TMEM117: variants seen among roughly 807,000 people sequenced by gnomAD.
TMEM117 encodes the protein transmembrane protein 117.
In TMEM117, 27 loss-of-function variants were observed where a neutral mutation model predicts 52.4. The observed-to-expected ratio is 0.51, with a 90% confidence interval of 0.38 to 0.71. TMEM117 has a LOEUF of 0.71. TMEM117 is among the 30% of genes least tolerant of loss of function. The pLI is 0.00. For synonymous variants in TMEM117, 215 were observed against 206.3 expected (o/e 1.04, Z -0.36); for missense variants, 556 against 630.5 (o/e 0.88, Z 1.26).
chr12:44,238,460 G>A (rs1255208901), intron 5 of TMEM117, among the ~76,000 whole-genome samples: 1 of 151,902 alleles, frequency 6.6e-6, no homozygotes, highest in African/African-American at 2.4e-5. Flanking sequence ...TACATATATC[G>A]CTATGAAAAA....
At chr12:44,263,182 A>G (rs1254325756) in intron 5 of TMEM117, among the ~76,000 whole-genome samples, 1 of 152,146 alleles carries the variant, frequency 6.6e-6, no homozygotes, top group Non-Finnish European at 1.5e-5. Context: ...TTTTATCTAT[A>G]ACAAAGTTTT....
intron 4 of TMEM117, among the ~76,000 whole-genome samples, chr12:44,186,396 G>A (rs1949278844): frequency 6.6e-6 from 1 of 152,144 alleles, no homozygotes; most frequent in Non-Finnish European, 1.5e-5. Flanking sequence ...TCTACAACTT[G>A]TTTGTTTAAT....
chr12:43,813,636 T>G, the TMEM117 span, among the ~76,000 whole-genome samples: 1 of 151,944 alleles, frequency 6.6e-6, no homozygotes, highest in Non-Finnish European at 1.5e-5. Context: ...CCTACATGAG[T>G]CTCATCAGTT....
At chr12:44,368,121 T>C (rs1234551591) in intron 6 of TMEM117, among the ~76,000 whole-genome samples, 5 of 152,118 alleles carry the variant, frequency 3.3e-5, no homozygotes, top group African/African-American at 7.2e-5. Context: ...CTCCAGAGCT[T>C]CTCAGGGCTT....
intron 3 of TMEM117, among the ~76,000 whole-genome samples, chr12:44,019,950 G>A (rs1946431190): frequency 1.3e-5 from 2 of 152,106 alleles, no homozygotes; most frequent in Admixed American, 1.3e-4. Flanking sequence ...TTCATATTTT[G>A]TAATAGAATC....
chr12:44,217,316 T>TGAG (rs1565603533), intron 5 of TMEM117, among the ~76,000 whole-genome samples: 1 of 151,930 alleles, frequency 6.6e-6, no homozygotes, highest in Non-Finnish European at 1.5e-5. Flanking sequence ...AGAGTGCAGG[T>TGAG]GAGGGTTCAT....
At chr12:44,268,983 A>G (rs902640822) in intron 5 of TMEM117, among the ~76,000 whole-genome samples, 1 of 152,182 alleles carries the variant, frequency 6.6e-6, no homozygotes, top group Non-Finnish European at 1.5e-5. Flanking sequence ...GGATCCCTAA[A>G]TAATATAGTC....
chr12:44,351,065 G>T (rs973143269), intron 6 of TMEM117, among the ~76,000 whole-genome samples: 3 of 152,020 alleles, frequency 2.0e-5, no homozygotes, highest in Non-Finnish European at 4.4e-5. Context: ...ATTTTTAACT[G>T]GAGTGAGATA....
At chr12:44,308,256 A>G (rs1950928359) in intron 6 of TMEM117, among the ~76,000 whole-genome samples, 1 of 152,200 alleles carries the variant, frequency 6.6e-6, no homozygotes, top group Non-Finnish European at 1.5e-5. Flanking sequence ...ATTTTTTCAA[A>G]GCCATCCTGA....
intron 3 of TMEM117, among the ~76,000 whole-genome samples, chr12:44,129,270 G>T (rs1157978330): frequency 1.3e-5 from 2 of 152,216 alleles, no homozygotes; most frequent in Non-Finnish European, 2.9e-5. Flanking sequence ...CAAGTCAGCA[G>T]TGTGGCCATC....
At chr12:44,064,825 G>A (rs1418596057) in intron 3 of TMEM117, among the ~76,000 whole-genome samples, 2 of 152,108 alleles carry the variant, frequency 1.3e-5, no homozygotes, top group Non-Finnish European at 2.9e-5. Flanking sequence ...AAGCTATGAT[G>A]TACAGCAGAC....
intron 4 of TMEM117, among the ~76,000 whole-genome samples, chr12:44,160,366 A>G (rs1948883028): frequency 6.6e-6 from 1 of 152,204 alleles, no homozygotes; most frequent in South Asian, 2.1e-4. Flanking sequence ...GATAAGTGAC[A>G]AAAGGAAATT....
At chr12:43,805,413 C>T in the TMEM117 span, 1 of 380,238 alleles carries the variant, frequency 2.6e-6, no homozygotes, top group South Asian at 1.9e-5. Flanking sequence ...AAGTGTTCAT[C>T]TGGGAGAAAG....
At chr12:43,800,307 T>A in the TMEM117 span, 1 of 635,708 alleles carries the variant, frequency 1.6e-6, no homozygotes, top group Non-Finnish European at 2.7e-6. Flanking sequence ...TTATATGAAA[T>A]ACAGTATTTC....
chr12:43,890,861 A>G (rs1384947433), intron 2 of TMEM117, among the ~76,000 whole-genome samples: 1 of 152,196 alleles, frequency 6.6e-6, no homozygotes, highest in African/African-American at 2.4e-5. Context: ...ATACTTTTAA[A>G]GAAGACATTG....
intron 3 of TMEM117, among the ~76,000 whole-genome samples, chr12:44,047,086 G>A (rs1399559986): frequency 6.6e-6 from 1 of 152,066 alleles, no homozygotes; most frequent in Non-Finnish European, 1.5e-5. Flanking sequence ...GTCTGTATGG[G>A]TGTTGCCGAA....
At chr12:44,357,478 G>C (rs1039383945) in intron 6 of TMEM117, among the ~76,000 whole-genome samples, 1 of 152,098 alleles carries the variant, frequency 6.6e-6, no homozygotes, top group African/African-American at 2.4e-5. Context: ...GGGACACTTA[G>C]ATCAGCTTCA....
intron 2 of TMEM117, among the ~76,000 whole-genome samples, chr12:43,845,744 C>T (rs1943196056): frequency 6.6e-6 from 1 of 151,614 alleles, no homozygotes; most frequent in African/African-American, 2.4e-5. Context: ...ACCCTGTGTC[C>T]AAGTGTTGTC....
chr12:44,131,802 C>T (rs1230112488), intron 3 of TMEM117, among the ~76,000 whole-genome samples: 1 of 152,002 alleles, frequency 6.6e-6, no homozygotes, highest in African/African-American at 2.4e-5. Flanking sequence ...GTTATCTTTT[C>T]CCACTATTTT....
Sources: allele counts gnomAD v4.1 joint callset (sites outside exome capture counted in the v4.1 genomes callset), GRCh38; gene constraint gnomAD v4.1.1; transcripts MANE v1.5; gene names NCBI Gene and HGNC (gene_info 2026-07-23, HGNC 2026-07-21).